AKAP19: variants seen among roughly 807,000 people sequenced by gnomAD.
AKAP19 encodes the protein small A-kinase anchoring protein.
chr2:190,131,972 T>C, the AKAP19 span, among the ~76,000 whole-genome samples: 1 of 152,126 alleles, frequency 6.6e-6, no homozygotes, highest in South Asian at 2.1e-4. Flanking sequence ...AAATAAGTTA[T>C]TTTGCAGGAT....
At chr2:189,892,910 T>TG in the AKAP19 span, among the ~76,000 whole-genome samples, 2 of 152,224 alleles carry the variant, frequency 1.3e-5, no homozygotes, top group East Asian at 3.9e-4. Flanking sequence ...GGCTGCTGCC[T>TG]TTCTTTCAGA....
chr2:189,980,851 G>T, the AKAP19 span, among the ~76,000 whole-genome samples: 2 of 152,074 alleles, frequency 1.3e-5, no homozygotes, highest in African/African-American at 4.8e-5. Flanking sequence ...TCTTGGTATT[G>T]ATTTCTAATT....
the AKAP19 span, among the ~76,000 whole-genome samples, chr2:190,132,029 C>T: frequency 2.0e-5 from 3 of 151,750 alleles, no homozygotes; most frequent in South Asian, 2.1e-4. Context: ...ATACTAACAA[C>T]GAGCTATCTG....
the AKAP19 span, among the ~76,000 whole-genome samples, chr2:190,034,309 C>T: frequency 6.6e-6 from 1 of 151,592 alleles, no homozygotes; most frequent in Non-Finnish European, 1.5e-5. Flanking sequence ...ATTTTTGCTT[C>T]TAATGAACGT....
the AKAP19 span, among the ~76,000 whole-genome samples, chr2:189,913,401 C>T: frequency 1.3e-5 from 2 of 151,838 alleles, no homozygotes; most frequent in African/African-American, 2.4e-5. Context: ...AAAAATTATC[C>T]AGATTTATTA....
the AKAP19 span, among the ~76,000 whole-genome samples, chr2:189,993,688 C>T: frequency 6.6e-6 from 1 of 151,970 alleles, no homozygotes; most frequent in East Asian, 1.9e-4. Context: ...AATCTCATTA[C>T]TTGTTATTTG....
chr2:190,150,907 A>G, the AKAP19 span, among the ~76,000 whole-genome samples: 1 of 151,992 alleles, frequency 6.6e-6, no homozygotes, highest in Non-Finnish European at 1.5e-5. Flanking sequence ...TCTCAGTGTA[A>G]TATTAATTTG....
chr2:190,061,869 A>G, the AKAP19 span, among the ~76,000 whole-genome samples: 2 of 151,956 alleles, frequency 1.3e-5, no homozygotes, highest in Admixed American at 1.3e-4. Context: ...ACAACTAAAT[A>G]CAATTCTAAA....
the AKAP19 span, among the ~76,000 whole-genome samples, chr2:190,064,614 G>A: frequency 7.9e-5 from 12 of 152,226 alleles, no homozygotes; most frequent in East Asian, 7.7e-4. Flanking sequence ...GCTGAATATG[G>A]CACCTGTCAT....
the AKAP19 span, among the ~76,000 whole-genome samples, chr2:190,068,886 GCAC>G: frequency 6.6e-6 from 1 of 152,104 alleles, no homozygotes; most frequent in South Asian, 2.1e-4. Flanking sequence ...CTCCAGTGGA[GCAC>G]TGAGCACTTT....
At chr2:189,955,045 C>G in the AKAP19 span, among the ~76,000 whole-genome samples, 3 of 152,040 alleles carry the variant, frequency 2.0e-5, no homozygotes, top group Non-Finnish European at 4.4e-5. Context: ...TACTCATCAC[C>G]CAAATAGTGT....
At chr2:190,199,821 G>GTCTT in the AKAP19 span, 1 of 1,599,822 alleles carries the variant, frequency 6.3e-7, no homozygotes, top group Non-Finnish European at 8.5e-7. Context: ...CCTGGAAGTA[G>GTCTT]TCTTTGCCAC....
chr2:190,056,892 G>A, the AKAP19 span: 5 of 226,954 alleles, frequency 2.2e-5, no homozygotes, highest in Non-Finnish European at 4.4e-5. Flanking sequence ...GGATTTTTCT[G>A]TAAATATTAA....
At chr2:189,999,103 CATT>C in the AKAP19 span, among the ~76,000 whole-genome samples, 6 of 151,820 alleles carry the variant, frequency 4.0e-5, no homozygotes, top group Admixed American at 2.0e-4. Flanking sequence ...CTCTTCTAAG[CATT>C]ATTATGTTTT....
chr2:190,085,293 T>G, the AKAP19 span, among the ~76,000 whole-genome samples: 4 of 152,238 alleles, frequency 2.6e-5, no homozygotes, highest in South Asian at 8.3e-4. Context: ...GCCAGATATT[T>G]ACAATATTTT....
At chr2:190,194,481 C>T in the AKAP19 span, among the ~76,000 whole-genome samples, 2 of 93,284 alleles carry the variant, frequency 2.1e-5, no homozygotes, top group Admixed American at 9.3e-5. Flanking sequence ...TGTGTATACA[C>T]ACACACACAC....
At chr2:189,904,289 G>A in the AKAP19 span, among the ~76,000 whole-genome samples, 25 of 151,956 alleles carry the variant, frequency 1.6e-4, no homozygotes, top group Non-Finnish European at 1.0e-4. Context: ...TCAATACTCT[G>A]TTTTGCAGAT....
the AKAP19 span, among the ~76,000 whole-genome samples, chr2:189,991,938 A>G: frequency 9.2e-5 from 14 of 152,026 alleles, no homozygotes; most frequent in African/African-American, 3.1e-4. Flanking sequence ...TCCCAGCACC[A>G]TTTGTTGAAT....
chr2:189,888,294 T>C, the AKAP19 span, among the ~76,000 whole-genome samples: 3 of 152,214 alleles, frequency 2.0e-5, no homozygotes, highest in African/African-American at 7.2e-5. Context: ...AGGCCTGTTC[T>C]ATTCCATTGG....
Sources: allele counts gnomAD v4.1 joint callset (sites outside exome capture counted in the v4.1 genomes callset), GRCh38; gene constraint gnomAD v4.1.1; transcripts MANE v1.5; gene names NCBI Gene and HGNC (gene_info 2026-07-23, HGNC 2026-07-21).